UBAP2L: variants seen among roughly 807,000 people sequenced by gnomAD.
UBAP2L encodes ubiquitin associated protein 2 like.
In UBAP2L, 12 loss-of-function variants were observed where a neutral mutation model predicts 130.6. The ratio of observed to expected loss-of-function variants is 0.09; its 90% CI spans 0.06 to 0.15. UBAP2L has a LOEUF of 0.15. Among genes scored for constraint, UBAP2L ranks in the 10% least tolerant of loss-of-function variants. The pLI, the probability that UBAP2L is intolerant of heterozygous loss-of-function variation, is 1.00. For synonymous variants in UBAP2L, 503 were observed against 524.7 expected, an observed-to-expected ratio of 0.96 and a Z score of 0.57; for missense variants, 965 against 1,332.5, an observed-to-expected ratio of 0.72 and a Z score of 4.29.
chr1:154,226,145 C>T (rs988353695), intron 2 of UBAP2L, among the ~76,000 whole-genome samples: 3 of 152,208 alleles, frequency 2.0e-5, no homozygotes, highest in Non-Finnish European at 4.4e-5. Flanking sequence ...AAGCCTTTTC[C>T]ATTCCAGATT....
rs748810633 is a variant in UBAP2L at position 154,237,113 on chromosome 1, A to T, written c.680A>T (p.His227Leu). The T allele has an allele frequency of 6.2e-7, 1 of 1,614,006 alleles. No homozygotes were observed. The highest frequency in any genetic ancestry group is 8.5e-7 in the Non-Finnish European group (1 of 1,179,982). ...SSGNTWNNTG[H>L]FEPDDGTSAW... The stretch of plus-strand genomic sequence containing the variant: ...GGCAATACGTGGAACAACACTGGCC[A>T]CTTTGAACCAGATGATGGGACGAGT... The change falls in exon 8 of 27, where the codon CAC becomes CTC. Residue 227 changes from histidine to leucine, a missense_variant. Physicochemically the swap from His to Leu is moderately conservative, Grantham distance 99. Transcript: ENST00000428931.
chr1:154,259,721 T>G (rs1680897506), intron 21 of UBAP2L: 1 of 675,776 alleles, frequency 1.5e-6, no homozygotes, highest in Non-Finnish European at 2.7e-6. Context: ...TGATGTATTC[T>G]CAAGTGGGCA....
chr1:154,257,013 G>C, intron 18 of UBAP2L, 50 bp from the exon 19 acceptor site: 2 of 1,576,904 alleles, frequency 1.3e-6, no homozygotes, highest in Non-Finnish European at 1.7e-6. Context: ...CCTGACCTAT[G>C]ATGCTGATCT....
At chr1:154,241,660 C>T in intron 9 of UBAP2L, 95 bp downstream of exon 9, 1 of 1,557,962 alleles carries the variant, frequency 6.4e-7, no homozygotes, top group South Asian at 1.2e-5. Flanking sequence ...TCAAAATTCA[C>T]CCTTAAGATT....
Position 154,254,095 on chromosome 1 carries a change from G to T in UBAP2L, c.1854+6G>T. 1 of 1,528,762 alleles carries T rather than the reference G, an allele frequency of 6.5e-7. No homozygotes were observed. Among genetic ancestry groups the T allele is most frequent in the South Asian group, 1.3e-5 (1 of 77,566 alleles). 94.7% of individuals were successfully genotyped at this position (1,528,762 alleles called of 1,614,324 possible). On this transcript the variant is annotated splice_donor_region_variant and intron_variant, in intron 15 of 26. Transcript: ENST00000428931. ...AGGACCTGACTCAGGCAAAGGTAGT[G>T]GCTTCATGAACCCTTGGGAATTGGT...
intron 14 of UBAP2L, among the ~76,000 whole-genome samples, chr1:154,252,560 C>G (rs1678077262): frequency 1.3e-5 from 2 of 151,864 alleles, no homozygotes; most frequent in Admixed American, 1.3e-4. Context: ...GGATTACAGT[C>G]ATGAGGCACC....
At chr1:154,240,940 C>A (rs192186042) in intron 8 of UBAP2L, among the ~76,000 whole-genome samples, 6 of 109,344 alleles carry the variant, frequency 5.5e-5, no homozygotes, top group African/African-American at 2.1e-4. Context: ...GTCTGTCCCC[C>A]CCCCCACCCC....
chr1:154,250,521 CACAG>C (rs1400853518), intron 12 of UBAP2L, among the ~76,000 whole-genome samples: 2 of 152,116 alleles, frequency 1.3e-5, no homozygotes, highest in Non-Finnish European at 2.9e-5. Flanking sequence ...TCCTGTCTTA[CACAG>C]ACAGGGTAAT....
chr1:154,257,531 C>A, intron 20 of UBAP2L, 97 bp downstream of exon 20: 1 of 1,291,950 alleles, frequency 7.7e-7, no homozygotes, highest in Non-Finnish European at 1.1e-6. Flanking sequence ...AATACCAAAA[C>A]TTGCACATAC....
intron 11 of UBAP2L, among the ~76,000 whole-genome samples, chr1:154,247,831 C>T (rs1045351182): frequency 6.6e-6 from 1 of 151,854 alleles, no homozygotes; most frequent in African/African-American, 2.4e-5. Flanking sequence ...ATGTAATTTC[C>T]TTTCTATTGA....
chr1:154,228,740 G>C lies in UBAP2L; in HGVS notation c.279+15G>C. On this transcript the variant is annotated intron_variant, in intron 4 of 26. Coordinates refer to ENST00000428931, the MANE Select transcript of UBAP2L (RefSeq NM_014847.4). ...ACCCAGACACGGTAGAGTGCTTATA[G>C]AGTGTTCTAGGACATGGGTCCTCAA... 6 of 1,593,408 alleles carry C rather than the reference G, an allele frequency of 3.8e-6. No homozygotes were observed. The highest frequency in any genetic ancestry group is 5.1e-6 in the Non-Finnish European group (6 of 1,167,646).
intron 4 of UBAP2L, among the ~76,000 whole-genome samples, chr1:154,230,627 A>G (rs191168666): frequency 2.9e-4 from 44 of 152,304 alleles, no homozygotes; most frequent in Non-Finnish European, 5.9e-4. Flanking sequence ...TTTTTTCGCA[A>G]ATCACATTTT....
intron 22 of UBAP2L, 29 bp from the exon 23 acceptor site, chr1:154,260,863 G>T: frequency 1.2e-6 from 2 of 1,607,390 alleles, no homozygotes; most frequent in South Asian, 1.1e-5. Flanking sequence ...GGTGAAAGAG[G>T]CAGGTACATT....
intron 14 of UBAP2L, among the ~76,000 whole-genome samples, chr1:154,252,824 G>A (rs1678236953): frequency 6.6e-6 from 1 of 152,284 alleles, no homozygotes; most frequent in Admixed American, 6.5e-5. Flanking sequence ...CTCCAAAAGT[G>A]CTGGGATTAC....
intron 14 of UBAP2L, 21 bp downstream of exon 14, chr1:154,251,674 A>G (rs1302970349): frequency 6.2e-7 from 1 of 1,612,600 alleles, no homozygotes; most frequent in African/African-American, 1.3e-5. Context: ...CATTAACCAT[A>G]AGACCTCTCT....
chr1:154,221,915 C>T (rs1666304068), intron 1 of UBAP2L, among the ~76,000 whole-genome samples: 1 of 152,202 alleles, frequency 6.6e-6, no homozygotes, highest in Non-Finnish European at 1.5e-5. Context: ...TCACTCTTCT[C>T]ATAATGGTAC....
rs1571857684 is a variant in UBAP2L at position 154,251,612 on chromosome 1, T to C, written c.1623T>C (p.Ser541=). The C allele has an allele frequency of 6.2e-7, 1 of 1,613,958 alleles. No homozygotes were observed. Among genetic ancestry groups the C allele is most frequent in the African/African-American group, 1.3e-5 (1 of 74,884 alleles). Residue 541 remains serine (S), a synonymous_variant, in exon 14 of 27, where the codon TCT becomes TCC. Coordinates refer to ENST00000428931, the MANE Select transcript of UBAP2L (RefSeq NM_014847.4). The part of the protein sequence containing the change: ...DYESTPTTSA[S]SSQAPSSLYT... ...AGTCCACCCCCACCACGAGCGCCTCTTCAAGCCAGGCTCCAAGTAGCCTGT... is the reference window on the plus strand; with the variant it reads ...AGTCCACCCCCACCACGAGCGCCTCCTCAAGCCAGGCTCCAAGTAGCCTGT...
At chr1:154,233,264 C>T (rs967484510) in intron 4 of UBAP2L, among the ~76,000 whole-genome samples, 2 of 151,908 alleles carry the variant, frequency 1.3e-5, no homozygotes, top group Non-Finnish European at 2.9e-5. Flanking sequence ...ATCCACTCTC[C>T]TCGGCCTCCC....
At chr1:154,220,260 A>C, upstream of UBAP2L, 1 of 1,516,802 alleles carries the variant, frequency 6.6e-7, no homozygotes, top group South Asian at 1.1e-5. Flanking sequence ...TGGGTGGAGA[A>C]TGCAGACGGG....
Sources: gnomAD v4.1 joint callset for allele counts (sites outside exome capture counted in the v4.1 genomes callset) on GRCh38, gnomAD v4.1.1 for gene constraint, MANE v1.5 for transcripts, NCBI Gene and HGNC (gene_info 2026-07-23, HGNC 2026-07-21) for gene names.